FER: variants seen among roughly 807,000 people sequenced by gnomAD.
The protein encoded by FER is tyrosine-protein kinase Fer.
In FER, 63 loss-of-function variants were observed where a neutral mutation model predicts 111.0. The observed-to-expected ratio is 0.57, with a 90% CI of 0.46 to 0.70. The LOEUF (loss-of-function observed/expected upper bound fraction) is 0.70, where lower values mean the gene tolerates loss of function less well. Ranked by LOEUF, FER falls within the 30% of genes least tolerant of loss-of-function variation. FER has a pLI of 0.00. For missense variants in FER, 914 were observed against 954.0 expected, an observed-to-expected ratio of 0.96 and a Z score of 0.55; for synonymous variants, 327 against 313.9, an observed-to-expected ratio of 1.04 and a Z score of -0.44.
At chr5:108,814,698 G>C (rs1350284759) in intron 3 of FER, among the ~76,000 whole-genome samples, 1 of 152,134 alleles carries the variant, frequency 6.6e-6, no homozygotes, top group Non-Finnish European at 1.5e-5. Flanking sequence ...CTAGAGGCTA[G>C]CAATACCTAA....
chr5:108,872,157 C>G lies in FER; in HGVS notation c.868C>G (p.Leu290Val), dbSNP rs758500888. 1 of 1,611,410 alleles carries G rather than the reference C, an allele frequency of 6.2e-7. No homozygotes were observed. Among genetic ancestry groups the G allele is most frequent in the Non-Finnish European group, 8.5e-7 (1 of 1,178,708 alleles). The change falls in exon 8 of 20, where the codon CTT becomes GTT. Residue 290 changes from leucine (L) to valine (V), a missense_variant. Leu to Val is a conservative substitution (Grantham distance 32, BLOSUM62 1). Around this residue, in one of 3 missense-constraint regions of FER, gnomAD observed 774 missense variants for 782.6 expected, o/e 0.99. Coordinates refer to ENST00000281092, the MANE Select transcript of FER (RefSeq NM_005246.4). ...TTCCTTACTGGAAGAAAATGAAAAT[C>G]TTCAGGCAAATGAGATCATGTGGAA... ...DTSLLEENENLQANEIMWNNL... is the reference protein window; with the variant it reads ...DTSLLEENENVQANEIMWNNL...
At position 108,865,960 on chromosome 5, in the gene FER, A is replaced by G. The variant is rs545625480; in HGVS notation, c.482-1807A>G. Among the ~76,000 whole-genome samples the G allele has an allele frequency of 2.0e-5, 3 of 152,298 alleles. No individual in the cohort carries two copies. In the South Asian group the frequency reaches 6.2e-4, roughly 32 times the overall value. ...AACAGGTGCTGGAGAGGATGTGGAG[A>G]AATAGGAACACTTTTACACTGTTGG... On this transcript the variant is annotated intron_variant, in intron 5 of 19. Coordinates refer to ENST00000281092, the MANE Select transcript of FER (RefSeq NM_005246.4).
chr5:109,166,966 G>GT lies in FER; in HGVS notation c.2049-13781_2049-13780insT, dbSNP rs200483754. Among the ~76,000 whole-genome samples, 1,154 of 151,970 alleles carry GT rather than the reference G, an allele frequency of 7.6e-3. 16 individuals carry two copies. Among genetic ancestry groups the GT allele is most frequent in the African/African-American group, 0.026 (1,092 of 41,450 alleles). Reference sequence around the variant, plus strand: ...TGCTAGGTTAGCCTAGATACAAAAGGGTAGAGAAGTACAAAATGTTACGGC... The same window carrying GT: ...TGCTAGGTTAGCCTAGATACAAAAGGTGTAGAGAAGTACAAAATGTTACGGC... On this transcript the variant is annotated intron_variant, in intron 17 of 19. Coordinates refer to ENST00000281092, the MANE Select transcript of FER (RefSeq NM_005246.4).
At chr5:108,974,374 G>A (rs1180256822) in intron 13 of FER, among the ~76,000 whole-genome samples, 1 of 152,186 alleles carries the variant, frequency 6.6e-6, no homozygotes, top group East Asian at 1.9e-4. Flanking sequence ...TGAAGGGCCT[G>A]AGACAGCATA....
chr5:109,079,828 C>G (rs1007113809), intron 16 of FER, among the ~76,000 whole-genome samples: 6 of 152,082 alleles, frequency 3.9e-5, no homozygotes, highest in African/African-American at 1.2e-4. Context: ...ACATCATAGC[C>G]AAGCCAATGC....
At chr5:108,844,907 C>T (rs1018117185) in intron 5 of FER, among the ~76,000 whole-genome samples, 2 of 146,482 alleles carry the variant, frequency 1.4e-5, no homozygotes, top group Non-Finnish European at 3.0e-5. Context: ...ATCCATTTTC[C>T]TGTTAATAGG....
At chr5:108,845,031 TATATATATAC>T (rs1561503094) in intron 5 of FER, among the ~76,000 whole-genome samples, 18 of 56,014 alleles carry the variant, frequency 3.2e-4, no homozygotes, top group African/African-American at 7.9e-4. Flanking sequence ...TATATATATA[TATATATATAC>T]ATATATATAT....
chr5:109,105,532 C>G (rs1324092060), intron 17 of FER, among the ~76,000 whole-genome samples: 1 of 151,560 alleles, frequency 6.6e-6, no homozygotes, highest in African/African-American at 2.4e-5. Flanking sequence ...CGTTTTGAAC[C>G]CTTCATCATT....
chr5:108,917,620 G>A (rs1171867934), intron 10 of FER, among the ~76,000 whole-genome samples: 1 of 152,138 alleles, frequency 6.6e-6, no homozygotes, highest in African/African-American at 2.4e-5. Context: ...TGTGACTTGG[G>A]ATTATAACTA....
chr5:108,887,901 A>G (rs1747418895), intron 9 of FER, among the ~76,000 whole-genome samples: 1 of 151,834 alleles, frequency 6.6e-6, no homozygotes, highest in African/African-American at 2.4e-5. Flanking sequence ...GTTGGTTTGA[A>G]TGCTTGGTTT....
intron 13 of FER, among the ~76,000 whole-genome samples, chr5:108,965,135 G>A (rs1350124424): frequency 6.6e-6 from 1 of 152,032 alleles, no homozygotes; most frequent in African/African-American, 2.4e-5. Flanking sequence ...TAGGTCTATT[G>A]AGAGTGAAGA....
chr5:109,053,934 G>A lies in FER; in HGVS notation c.1924+6736G>A, dbSNP rs372892435. Among the ~76,000 whole-genome samples, 575 of 151,854 alleles carry A rather than the reference G, an allele frequency of 3.8e-3. 5 individuals are homozygous for A. The highest frequency in any genetic ancestry group is 0.018 in the South Asian group (85 of 4,804). On this transcript the variant is annotated intron_variant, in intron 16 of 19. Coordinates refer to ENST00000281092, the MANE Select transcript of FER (RefSeq NM_005246.4). Reference sequence around the variant, plus strand: ...TCTCGATCTCCTGACCTCGTGATCCGCCCGCCTCGGCCTCCCAAAGTGCTA... The same window carrying A: ...TCTCGATCTCCTGACCTCGTGATCCACCCGCCTCGGCCTCCCAAAGTGCTA...
At chr5:108,827,635 A>G (rs1759605592) in intron 3 of FER, among the ~76,000 whole-genome samples, 1 of 151,952 alleles carries the variant, frequency 6.6e-6, no homozygotes, top group South Asian at 2.1e-4. Context: ...TAGTGACTAC[A>G]GGGTCTTGTT....
intron 17 of FER, among the ~76,000 whole-genome samples, chr5:109,156,251 A>G (rs1755359114): frequency 6.6e-6 from 1 of 152,004 alleles, no homozygotes; most frequent in Admixed American, 6.6e-5. Context: ...ATTAGACAGT[A>G]GTTGATAGAT....
chr5:109,001,473 G>A (rs920968639), intron 13 of FER, among the ~76,000 whole-genome samples: 19 of 152,166 alleles, frequency 1.2e-4, no homozygotes, highest in Non-Finnish European at 2.8e-4. Flanking sequence ...AGGTATTGAT[G>A]GGACATATCT....
rs370199096 is a variant in FER at position 108,871,438 on chromosome 5, A to T, written c.739A>T (p.Ile247Phe). The T allele has an allele frequency of 1.9e-6, 3 of 1,611,770 alleles. No individual in the cohort carries two copies. The highest frequency in any genetic ancestry group is 2.5e-6 in the Non-Finnish European group (3 of 1,178,444). Residue 247 changes from isoleucine (I) to phenylalanine (F), a missense_variant, in exon 7 of 20, where the codon ATT (isoleucine) becomes TTT (phenylalanine). Ile to Phe is a conservative substitution (Grantham distance 21). Transcript: ENST00000281092. ...GGAAATAGTGAATGTCCATAAAGAG[A>T]TTCAAATGTCGGTTGAACAGATAGA... The part of the protein sequence containing the change: ...TEEIVNVHKE[I>F]QMSVEQIDPS...
intron 3 of FER, among the ~76,000 whole-genome samples, chr5:108,804,915 G>C (rs1757037153): frequency 6.6e-6 from 1 of 150,600 alleles, no homozygotes; most frequent in African/African-American, 2.4e-5. Context: ...TGTAGAATTG[G>C]TACTACCTCT....
chr5:109,155,770 A>G (rs1755308906), intron 17 of FER, among the ~76,000 whole-genome samples: 1 of 152,096 alleles, frequency 6.6e-6, no homozygotes, highest in Non-Finnish European at 1.5e-5. Context: ...AGGGAAAGTG[A>G]TGGTCAAATG....
intron 13 of FER, among the ~76,000 whole-genome samples, chr5:108,984,035 G>A (rs1394805629): frequency 6.6e-6 from 1 of 151,866 alleles, no homozygotes; most frequent in Non-Finnish European, 1.5e-5. Flanking sequence ...AAACAGACAC[G>A]GTGCCTACTC....
Sources: gnomAD v4.1 joint callset for allele counts (sites outside exome capture counted in the v4.1 genomes callset) on GRCh38, gnomAD v4.1.1 for gene constraint, gnomAD v4.1.1 regional missense constraint, MANE v1.5 for transcripts, NCBI Gene and HGNC (gene_info 2026-07-23, HGNC 2026-07-21) for gene names.